WDFY4: variants seen among roughly 807,000 people sequenced by gnomAD.
WDFY4 encodes WD repeat- and FYVE domain-containing protein 4.
WDFY4 carries 169 observed loss-of-function variants against 351.9 expected under a neutral mutation model. That is an observed-to-expected ratio of 0.48 (90% CI 0.42 to 0.55). The LOEUF (loss-of-function observed/expected upper bound fraction) is 0.55. Among genes scored for constraint, WDFY4 ranks in the 20% least tolerant of loss-of-function variants. The probability of loss-of-function intolerance (pLI) is 0.00; values close to 1 mark genes in which losing one functional copy is unlikely to be tolerated. For missense variants in WDFY4, 3,803 were observed against 3,935.6 expected, an observed-to-expected ratio of 0.97 and a Z score of 0.90; for synonymous variants, 1,622 against 1,574.6, an observed-to-expected ratio of 1.03 and a Z score of -0.71.
chr10:48,733,008 C>T (rs1589478933), intron 9 of WDFY4, among the ~76,000 whole-genome samples: 1 of 152,192 alleles, frequency 6.6e-6, no homozygotes, highest in South Asian at 2.1e-4. Flanking sequence ...TCCTTAAATC[C>T]CATCTTGAAT....
chr10:48,801,287 T>C (rs2067080972), intron 24 of WDFY4, among the ~76,000 whole-genome samples: 1 of 152,174 alleles, frequency 6.6e-6, no homozygotes, highest in African/African-American at 2.4e-5. Flanking sequence ...CTCAAATGGG[T>C]GTGGCAACTT....
At chr10:48,760,291 A>AATAG (rs1229302340) in intron 12 of WDFY4, 56 bp from the exon 13 acceptor site, 1 of 1,481,718 alleles carries the variant, frequency 6.7e-7, no homozygotes, top group African/African-American at 1.4e-5. Context: ...GCTCAGTGAA[A>AATAG]ATAGAAAGAA....
chr10:48,723,530 T>A lies in WDFY4; in HGVS notation c.554T>A (p.Leu185His), dbSNP rs1464886800. 9 of 1,551,826 alleles carry A rather than the reference T, an allele frequency of 5.8e-6. No individual in the cohort carries two copies. Among genetic ancestry groups the A allele is most frequent in the Non-Finnish European group, 7.8e-6 (9 of 1,147,068 alleles). ...FVFPLDKDEL[L>H]ESDLQVQKMF... is the part of the protein sequence containing the mutation. ...TTTCCTCTGGACAAAGATGAGCTTC[T>A]TGAGAGTGATCTTCAAGTTCAAAAG... The change falls in exon 5 of 62, where the codon CTT (leucine) becomes CAT (histidine). Residue 185 changes from leucine to histidine, a missense_variant. Leu to His is a moderately conservative substitution (Grantham distance 99, BLOSUM62 -3). Around this residue, in one of 3 missense-constraint regions of WDFY4, gnomAD observed 488 missense variants for 456.8 expected, o/e 1.07. Transcript: ENST00000325239.
At chr10:48,758,982 AATCTT>A (rs2065416781) in intron 12 of WDFY4, among the ~76,000 whole-genome samples, 1 of 152,102 alleles carries the variant, frequency 6.6e-6, no homozygotes, top group Admixed American at 6.5e-5. Flanking sequence ...GGACATTTTG[AATCTT>A]ATCTTATGAA....
At chr10:48,974,760 C>G (rs1376838032) in intron 57 of WDFY4, 102 bp from the exon 58 acceptor site, 2 of 1,246,982 alleles carry the variant, frequency 1.6e-6, no homozygotes, top group Non-Finnish European at 2.2e-6. Flanking sequence ...CTCAGAATCT[C>G]CATTTCCTCA....
At chr10:48,932,849 A>C (rs1840104197) in intron 47 of WDFY4, among the ~76,000 whole-genome samples, 1 of 152,154 alleles carries the variant, frequency 6.6e-6, no homozygotes, top group Non-Finnish European at 1.5e-5. Context: ...CTGTAACTAG[A>C]ATGCTAAGAA....
chr10:48,947,435 A>C (rs1175903367), intron 51 of WDFY4, among the ~76,000 whole-genome samples: 1 of 152,352 alleles, frequency 6.6e-6, no homozygotes, highest in South Asian at 2.1e-4. Context: ...TTACCCACCC[A>C]TACGCTAACA....
At chr10:48,845,595 T>G (rs1386890230) in intron 39 of WDFY4, among the ~76,000 whole-genome samples, 2 of 152,182 alleles carry the variant, frequency 1.3e-5, no homozygotes, top group African/African-American at 4.8e-5. Context: ...ATGCAAAGGA[T>G]GGACCCTCGT....
intron 13 of WDFY4, among the ~76,000 whole-genome samples, chr10:48,772,777 A>T (rs2065911157): frequency 6.8e-6 from 1 of 146,880 alleles, no homozygotes; most frequent in Admixed American, 6.8e-5. Flanking sequence ...ATTCCCACCT[A>T]TGAGTGAGAA....
At chr10:48,948,845 T>C (rs998747463) in intron 51 of WDFY4, among the ~76,000 whole-genome samples, 1 of 152,240 alleles carries the variant, frequency 6.6e-6, no homozygotes, top group African/African-American at 2.4e-5. Flanking sequence ...CAGGCTGGTC[T>C]CCTCTGGTTT....
At chr10:48,852,993 C>A (rs2069009217) in intron 39 of WDFY4, among the ~76,000 whole-genome samples, 1 of 152,170 alleles carries the variant, frequency 6.6e-6, no homozygotes, top group African/African-American at 2.4e-5. Context: ...GCAGAAATTA[C>A]CGAAGACCAA....
At chr10:48,717,122 G>T (rs913093822) in intron 2 of WDFY4, among the ~76,000 whole-genome samples, 15 of 152,186 alleles carry the variant, frequency 9.9e-5, no homozygotes, top group Admixed American at 9.2e-4. Flanking sequence ...AACCTCAAAG[G>T]CTTGTGGTGA....
chr10:48,874,918 T>C (rs1475582624), intron 41 of WDFY4, among the ~76,000 whole-genome samples, 171 bp from the exon 42 acceptor site: 1 of 152,218 alleles, frequency 6.6e-6, no homozygotes, highest in Non-Finnish European at 1.5e-5. Context: ...ATACTTGCAT[T>C]TTATTGTGGT....
chr10:48,815,154 G>A (rs1178111931), intron 31 of WDFY4, among the ~76,000 whole-genome samples: 1 of 152,178 alleles, frequency 6.6e-6, no homozygotes, highest in East Asian at 1.9e-4. Context: ...GATTGCATTA[G>A]TCATTATGCA....
At chr10:48,884,487 C>T (rs1200210314) in intron 43 of WDFY4, 1 of 152,178 alleles carries the variant, frequency 6.6e-6, no homozygotes, top group Admixed American at 6.5e-5. Context: ...TAAACACACA[C>T]ACATGCATGC....
chr10:48,703,715 A>C (rs940027850), intron 1 of WDFY4, among the ~76,000 whole-genome samples: 1 of 152,204 alleles, frequency 6.6e-6, no homozygotes, highest in Non-Finnish European at 1.5e-5. Context: ...ATAGAAAGTC[A>C]GGGATGAAAA....
intron 36 of WDFY4, 68 bp downstream of exon 36, chr10:48,826,977 G>A: frequency 7.7e-7 from 1 of 1,301,654 alleles, no homozygotes; most frequent in South Asian, 1.3e-5. Flanking sequence ...TTAGAGGAAA[G>A]CTTGATTGAG....
At chr10:48,787,934 TTC>T (rs2066518860) in intron 20 of WDFY4, among the ~76,000 whole-genome samples, 12 of 95,858 alleles carry the variant, frequency 1.3e-4, no homozygotes, top group African/African-American at 4.5e-4. Context: ...CTTCTTCTTC[TTC>T]TTCTTCTTCT....
intron 24 of WDFY4, among the ~76,000 whole-genome samples, 155 bp from the exon 25 acceptor site, chr10:48,803,131 G>C (rs1231823577): frequency 6.6e-6 from 1 of 152,192 alleles, no homozygotes; most frequent in Non-Finnish European, 1.5e-5. Context: ...TCTGCTTGGA[G>C]TGTCAGGACA....
Sources: gnomAD v4.1 joint callset for allele counts (sites outside exome capture counted in the v4.1 genomes callset) on GRCh38, gnomAD v4.1.1 for gene constraint, gnomAD v4.1.1 regional missense constraint, MANE v1.5 for transcripts, NCBI Gene and HGNC (gene_info 2026-07-23, HGNC 2026-07-21) for gene names.